The following DCHS2 variants were observed in gnomAD, a reference collection of about 807,000 sequenced individuals.
The protein encoded by DCHS2 is dachsous cadherin-related 2.
In DCHS2, 142 loss-of-function variants were observed where a neutral mutation model predicts 182.4. The observed-to-expected ratio is 0.78, with a 90% CI of 0.68 to 0.89. The LOEUF (loss-of-function observed/expected upper bound fraction) is 0.89. DCHS2 is among the 40% of genes least tolerant of loss of function. The pLI is 0.00. For missense variants in DCHS2, 4,319 were observed against 4,198.6 expected, an observed-to-expected ratio of 1.03 and a Z score of -0.79; for synonymous variants, 1,740 against 1,663.3, an observed-to-expected ratio of 1.05 and a Z score of -1.12.
intron 7 of DCHS2, among the ~76,000 whole-genome samples, chr4:154,324,745 A>G (rs1736210270): frequency 6.6e-6 from 1 of 152,214 alleles, no homozygotes. Flanking sequence ...CAAATAAAAA[A>G]GAACCCCTGT....
intron 14 of DCHS2, chr4:154,269,243 TA>T (rs1296772607): frequency 6.6e-6 from 1 of 152,326 alleles, no homozygotes; most frequent in African/African-American, 2.4e-5. Context: ...GCATGTAGTA[TA>T]GATTAAATAA....
intron 2 of DCHS2, chr4:154,374,307 C>G (rs1730790046): frequency 4.9e-6 from 1 of 204,698 alleles, no homozygotes. Flanking sequence ...AGACAGTAGC[C>G]TGGAAGACAC....
intron 13 of DCHS2, among the ~76,000 whole-genome samples, chr4:154,277,477 C>T (rs757182192): frequency 3.3e-5 from 5 of 152,028 alleles, no homozygotes; most frequent in Admixed American, 6.6e-5. Context: ...TGGGTAGTCA[C>T]GTACATAAGC....
intron 1 of DCHS2, chr4:154,391,327 C>T (rs761776704): frequency 1.9e-6 from 3 of 1,558,454 alleles, no homozygotes; most frequent in Non-Finnish European, 1.7e-6. Context: ...ATGAGGGTAG[C>T]TTCAACTTCA....
chr4:154,414,194 TATAG>T (rs1406752244), intron 1 of DCHS2, among the ~76,000 whole-genome samples: 2 of 142,714 alleles, frequency 1.4e-5, no homozygotes, highest in Non-Finnish European at 3.0e-5. Flanking sequence ...TATATATATA[TATAG>T]AGAGAGAGAG....
chr4:154,475,087 A>G (rs1254020861), intron 1 of DCHS2, among the ~76,000 whole-genome samples: 3 of 152,178 alleles, frequency 2.0e-5, no homozygotes, highest in Non-Finnish European at 2.9e-5. Flanking sequence ...AATCACTATT[A>G]CCTTATCCTA....
chr4:154,352,016 A>G (rs1361584958), intron 3 of DCHS2, among the ~76,000 whole-genome samples: 3 of 152,054 alleles, frequency 2.0e-5, no homozygotes, highest in Non-Finnish European at 2.9e-5. Context: ...AACTCACCTG[A>G]GTATAGCATG....
intron 13 of DCHS2, among the ~76,000 whole-genome samples, chr4:154,277,592 A>G (rs1459094707): frequency 6.7e-6 from 1 of 148,686 alleles, no homozygotes; most frequent in Non-Finnish European, 1.5e-5. Context: ...TGTAAAATCT[A>G]GAGAGGTGGT....
chr4:154,432,327 T>C (rs1733594118), intron 1 of DCHS2, among the ~76,000 whole-genome samples: 1 of 152,210 alleles, frequency 6.6e-6, no homozygotes, highest in African/African-American at 2.4e-5. Flanking sequence ...CTATGATTTG[T>C]CAATTTAATT....
intron 16 of DCHS2, among the ~76,000 whole-genome samples, chr4:154,246,429 T>A (rs1489429106): frequency 2.0e-5 from 3 of 152,116 alleles, no homozygotes; most frequent in African/African-American, 7.2e-5. Context: ...TGTGGTACAT[T>A]TGAAAGTGAA....
chr4:154,343,531 C>A (rs1484033479), intron 3 of DCHS2: 23 of 1,521,136 alleles, frequency 1.5e-5, no homozygotes, highest in Admixed American at 4.0e-5. Context: ...TCAGCACTTG[C>A]TGCTTCATCT....
At chr4:154,346,285 T>C (rs1339074918) in intron 3 of DCHS2, among the ~76,000 whole-genome samples, 1 of 152,184 alleles carries the variant, frequency 6.6e-6, no homozygotes, top group Non-Finnish European at 1.5e-5. Flanking sequence ...TAACCATTTA[T>C]AGTGTGTGCT....
chr4:154,457,902 C>G (rs536200182), intron 1 of DCHS2, among the ~76,000 whole-genome samples: 2 of 152,310 alleles, frequency 1.3e-5, no homozygotes, highest in African/African-American at 4.8e-5. Context: ...AACCACTGAT[C>G]TGGATAATCA....
intron 15 of DCHS2, among the ~76,000 whole-genome samples, chr4:154,258,777 C>G (rs1156301847): frequency 6.6e-6 from 1 of 152,062 alleles, no homozygotes; most frequent in African/African-American, 2.4e-5. Flanking sequence ...CCCCACCTAG[C>G]CCAGAGAAAA....
At chr4:154,291,874 G>A (rs564414667) in intron 13 of DCHS2, among the ~76,000 whole-genome samples, 1 of 152,210 alleles carries the variant, frequency 6.6e-6, no homozygotes, top group East Asian at 1.9e-4. Flanking sequence ...GAATGAATAA[G>A]GTCTAGTATT....
At chr4:154,272,215 C>G (rs1733633351) in intron 13 of DCHS2, 1 of 152,080 alleles carries the variant, frequency 6.6e-6, no homozygotes, top group Non-Finnish European at 1.5e-5. Flanking sequence ...ATGAAAAAAA[C>G]TGCTATGAAC....
intron 1 of DCHS2, among the ~76,000 whole-genome samples, chr4:154,396,825 C>T (rs1731945959): frequency 6.6e-6 from 1 of 152,200 alleles, no homozygotes; most frequent in Non-Finnish European, 1.5e-5. Context: ...ACTCCCAAAA[C>T]TCTTCCCAGA....
chr4:154,240,504 G>A, intron 18 of DCHS2, 33 bp downstream of exon 18: 1 of 1,600,138 alleles, frequency 6.2e-7, no homozygotes, highest in Non-Finnish European at 8.5e-7. Flanking sequence ...TCTAGTTTTG[G>A]CTTTGGTTTC....
chr4:154,467,301 T>C (rs1294695823), intron 1 of DCHS2, among the ~76,000 whole-genome samples: 2 of 152,192 alleles, frequency 1.3e-5, no homozygotes, highest in Non-Finnish European at 2.9e-5. Flanking sequence ...TACTACTAAG[T>C]TGCATATTTA....
Sources: gnomAD v4.1 joint callset for allele counts (sites outside exome capture counted in the v4.1 genomes callset) on GRCh38, gnomAD v4.1.1 for gene constraint, MANE v1.5 for transcripts, NCBI Gene and HGNC (gene_info 2026-07-23, HGNC 2026-07-21) for gene names.